Variants in RABEP1 observed in about 807,000 individuals in gnomAD.
The protein encoded by RABEP1 is rab GTPase-binding effector protein 1.
In RABEP1, 51 loss-of-function variants were observed where a neutral mutation model predicts 123.4. The ratio of observed to expected loss-of-function variants is 0.41; its 90% CI spans 0.33 to 0.52. The LOEUF (loss-of-function observed/expected upper bound fraction) is 0.52. Ranked by LOEUF, RABEP1 falls within the 20% of genes least tolerant of loss-of-function variation. The pLI, the probability that RABEP1 is intolerant of heterozygous loss-of-function variation, is 0.16. For synonymous variants in RABEP1, 347 were observed against 355.2 expected, an observed-to-expected ratio of 0.98 and a Z score of 0.26; for missense variants, 888 against 996.3, an observed-to-expected ratio of 0.89 and a Z score of 1.46.
chr17:5,343,096 C>T (rs935996982), intron 5 of RABEP1, among the ~76,000 whole-genome samples: 3 of 152,048 alleles, frequency 2.0e-5, no homozygotes, highest in South Asian at 2.1e-4. Context: ...CCTGCCTCTA[C>T]TAAAAATGCA....
chr17:5,364,485 A>G (rs985831092), intron 10 of RABEP1: 2 of 152,434 alleles, frequency 1.3e-5, no homozygotes, highest in Non-Finnish European at 2.9e-5. Flanking sequence ...TAATCCCAGC[A>G]CTTTGGGAGG....
chr17:5,365,723 C>G (rs1287378332), intron 11 of RABEP1, among the ~76,000 whole-genome samples: 2 of 152,190 alleles, frequency 1.3e-5, no homozygotes, highest in Non-Finnish European at 2.9e-5. Flanking sequence ...AGCCACTGTC[C>G]TAACTTGTAA....
intron 8 of RABEP1, among the ~76,000 whole-genome samples, chr17:5,358,162 C>T (rs1156512569): frequency 2.6e-5 from 4 of 152,048 alleles, no homozygotes; most frequent in East Asian, 1.9e-4. Flanking sequence ...TCTTCACAGC[C>T]AGCAAGGCCT....
Position 5,337,456 on chromosome 17 carries a change from C to T in RABEP1, c.529-563C>T, listed in dbSNP as rs533994954. Among the ~76,000 whole-genome samples, 295 of 152,064 alleles carry T rather than the reference C, an allele frequency of 1.9e-3. 1 individual carries two copies. Among genetic ancestry groups the T allele is most frequent in the Middle Eastern group, 0.014 (4 of 294 alleles). On this transcript the variant is annotated intron_variant, in intron 4 of 17. Transcript: ENST00000537505. ...ATCCCAGCACTTTGGGAGGCCGAGG[C>T]GGGCGGATCATGAGGTCAGGAGATC...
In RABEP1 at chr17:5,385,496, G is replaced by C. The variant is rs999868610; in HGVS notation, c.*2273G>C. ...GTAGTACCTTTCAGAACTCACATTG[G>C]CAAGTGTAAAAAGATGACTTAAGGT... On this transcript the variant is annotated 3_prime_UTR_variant, in exon 18 of 18. Transcript: ENST00000537505. The C allele has an allele frequency of 4.3e-6, 1 of 230,466 alleles. No individual in the cohort carries two copies. The highest frequency in any genetic ancestry group is 2.2e-5 in the African/African-American group (1 of 45,144). 14.3% of individuals were successfully genotyped at this position (230,466 alleles called of 1,614,324 possible).
chr17:5,376,410 A>C (rs764819455), intron 13 of RABEP1, among the ~76,000 whole-genome samples: 2 of 152,252 alleles, frequency 1.3e-5, no homozygotes, highest in African/African-American at 4.8e-5. Flanking sequence ...TGCTTCAGCA[A>C]TAAATCTTAG....
intron 2 of RABEP1, 70 bp downstream of exon 2, chr17:5,308,892 G>T: frequency 7.3e-7 from 1 of 1,371,866 alleles, no homozygotes; most frequent in Non-Finnish European, 9.8e-7. Flanking sequence ...CTTGGTAGTA[G>T]TGTTAATTTT....
intron 2 of RABEP1, among the ~76,000 whole-genome samples, chr17:5,328,712 G>C (rs1453063979): frequency 6.7e-6 from 1 of 149,506 alleles, no homozygotes; most frequent in African/African-American, 2.5e-5. Context: ...CAGCACTTTG[G>C]GAGGCCGAGG....
At chr17:5,336,769 A>G (rs1907131362) in intron 4 of RABEP1, 1 of 179,848 alleles carries the variant, frequency 5.6e-6, no homozygotes, top group African/African-American at 2.4e-5. Flanking sequence ...ACTAGCCTTG[A>G]CTGAGATATT....
rs142988027 is a variant in RABEP1 at position 5,312,586 on chromosome 17, T to G, written c.163+3764T>G. ...CTGTGGTATGGAATGGAGTTCCATT[T>G]TTTCATGGCTTTCAGGAGGGCTGTT... On this transcript the variant is annotated intron_variant, in intron 2 of 17. Transcript: ENST00000537505. Among the ~76,000 whole-genome samples the G allele has an allele frequency of 6.8e-3, 1,038 of 152,326 alleles. 11 individuals are homozygous for G. The highest frequency in any genetic ancestry group is 0.037 in the South Asian group (178 of 4,822).
intron 7 of RABEP1, among the ~76,000 whole-genome samples, 187 bp downstream of exon 7, chr17:5,350,816 T>C (rs1225250813): frequency 1.3e-5 from 2 of 152,046 alleles, no homozygotes; most frequent in African/African-American, 4.8e-5. Context: ...AGAAATGGCC[T>C]CCTCTCGGGG....
chr17:5,306,525 G>C (rs537370645), intron 1 of RABEP1, among the ~76,000 whole-genome samples: 1 of 152,082 alleles, frequency 6.6e-6, no homozygotes, highest in African/African-American at 2.4e-5. Context: ...CTACTCGGGA[G>C]GCTGAGGCAG....
chr17:5,357,036 C>T (rs530896151), intron 8 of RABEP1, among the ~76,000 whole-genome samples: 11 of 152,128 alleles, frequency 7.2e-5, no homozygotes, highest in Admixed American at 2.6e-4. Context: ...AGCCACCACG[C>T]CAGGCTAATT....
At chr17:5,343,224 C>T (rs1329069184) in intron 5 of RABEP1, among the ~76,000 whole-genome samples, 3 of 152,056 alleles carry the variant, frequency 2.0e-5, no homozygotes, top group Admixed American at 6.6e-5. Context: ...TGCACTCCAG[C>T]CTAGGCGACG....
At chr17:5,379,293 A>G (rs1911252745) in intron 15 of RABEP1, among the ~76,000 whole-genome samples, 1 of 152,138 alleles carries the variant, frequency 6.6e-6, no homozygotes, top group Admixed American at 6.5e-5. Flanking sequence ...GCTTCTGACC[A>G]CAGTGTCATT....
intron 2 of RABEP1, among the ~76,000 whole-genome samples, chr17:5,331,027 CTTTTTTTTT>C (rs1187502263): frequency 0.013 from 1,116 of 87,056 alleles, 9 homozygotes; most frequent in South Asian, 0.027. Context: ...TATCTCTTAA[CTTTTTTTTT>C]TTTTTTTTTT....
Position 5,383,361 on chromosome 17 carries a change from G to C in RABEP1, c.*138G>C, listed in dbSNP as rs1911657993. ...GACTGGAGAAATGCTTACTTCTAGAGGGAGAAGACTGTGCGGCACAGGAAA... is the reference window on the plus strand; with the variant it reads ...GACTGGAGAAATGCTTACTTCTAGACGGAGAAGACTGTGCGGCACAGGAAA... On this transcript the variant is annotated 3_prime_UTR_variant, in exon 18 of 18. Coordinates refer to ENST00000537505, the MANE Select transcript of RABEP1 (RefSeq NM_004703.6). 1.4e-6 allele frequency: 1 copy of C among 719,088 alleles called. No individual in the cohort carries two copies. Among genetic ancestry groups the C allele is most frequent in the Non-Finnish European group, 2.3e-6 (1 of 426,648 alleles). 44.5% of individuals were successfully genotyped at this position (719,088 alleles called of 1,614,324 possible). A position where few individuals can be genotyped will look rare whatever the true frequency, so the allele number is the denominator to read the frequency against.
chr17:5,297,968 C>T (rs1038581840), intron 1 of RABEP1, among the ~76,000 whole-genome samples: 1 of 152,190 alleles, frequency 6.6e-6, no homozygotes, highest in Non-Finnish European at 1.5e-5. Flanking sequence ...GCGTTCTTTC[C>T]TTAAGACTTC....
rs146827442 is a variant in RABEP1 at position 5,299,228 on chromosome 17, T to C, written c.35-9466T>C. Among the ~76,000 whole-genome samples, 6 of 152,236 alleles carry C rather than the reference T, an allele frequency of 3.9e-5. No homozygotes were observed. The South Asian group carries it at 6.2e-4, about 16-fold the overall frequency. On this transcript the variant is annotated intron_variant, in intron 1 of 17. Coordinates refer to ENST00000537505, the MANE Select transcript of RABEP1 (RefSeq NM_004703.6). ...CTTTACATTGACTCCTAAATCTTTT[T>C]ATATAACCTTAACAGACAAGATGTT...
Sources: allele counts gnomAD v4.1 joint callset (sites outside exome capture counted in the v4.1 genomes callset), GRCh38; gene constraint gnomAD v4.1.1; transcripts MANE v1.5; gene names NCBI Gene and HGNC (gene_info 2026-07-23, HGNC 2026-07-21).